The following TBC1D5 variants were observed in gnomAD, a reference collection of about 807,000 sequenced individuals.
TBC1D5 encodes the protein TBC1 domain family, member 5.
TBC1D5 carries 75 observed loss-of-function variants against 100.3 expected under a neutral mutation model. The observed-to-expected ratio is 0.75, with a 90% confidence interval of 0.62 to 0.91. The LOEUF is 0.91. TBC1D5 is among the 40% of genes least tolerant of loss of function. The pLI is 0.00. For missense variants in TBC1D5, 910 were observed against 942.4 expected (o/e 0.97, Z 0.45); for synonymous variants, 323 against 325.6 (o/e 0.99, Z 0.09).
In TBC1D5 at chr3:17,218,926, G is replaced by A. The variant is rs552786865; in HGVS notation, c.1589-4556C>T. ...CTTGGAGTTAATTGGACTTCTTTGA[G>A]GTATGTACTAATGCTTTTCATAAAA... On this transcript the variant is annotated intron_variant, in intron 17 of 21. Transcript: ENST00000253692. 1.6e-4 allele frequency among the ~76,000 whole-genome samples: 24 copies of A among 151,732 alleles called. No homozygotes were observed. In the East Asian group the frequency reaches 4.1e-3, roughly 26 times the overall value.
At chr3:17,192,640 G>C (rs2070098948) in intron 18 of TBC1D5, among the ~76,000 whole-genome samples, 1 of 152,176 alleles carries the variant, frequency 6.6e-6, no homozygotes, top group South Asian at 2.1e-4. Context: ...TAGAAATTTT[G>C]AACTGAAATT....
intron 1 of TBC1D5, among the ~76,000 whole-genome samples, chr3:17,730,458 C>T (rs1577868261): frequency 6.6e-6 from 1 of 152,172 alleles, no homozygotes; most frequent in Admixed American, 6.5e-5. Flanking sequence ...AACTACCAGT[C>T]ATGGCCAGGC....
chr3:17,222,318 A>G (rs2074379140), intron 17 of TBC1D5, among the ~76,000 whole-genome samples: 2 of 152,188 alleles, frequency 1.3e-5, no homozygotes, highest in Admixed American at 1.3e-4. Flanking sequence ...CTACACTGGT[A>G]ATTTTTAAAC....
At chr3:17,630,905 G>T (rs559562573) in intron 1 of TBC1D5, among the ~76,000 whole-genome samples, 1 of 151,102 alleles carries the variant, frequency 6.6e-6, no homozygotes, top group African/African-American at 2.4e-5. Context: ...ATAGCCGGGT[G>T]TGGTTGCGGG....
chr3:17,238,276 G>C (rs2076036813), exon 17 of TBC1D5: 3 of 1,613,958 alleles, frequency 1.9e-6, no homozygotes, highest in Admixed American at 1.7e-5. Context: ...AATTACAACA[G>C]AGGAGGAGCT....
chr3:17,324,294 A>G (rs1330394575), intron 13 of TBC1D5, among the ~76,000 whole-genome samples: 1 of 152,238 alleles, frequency 6.6e-6, no homozygotes, highest in Non-Finnish European at 1.5e-5. Flanking sequence ...AATAAAAACT[A>G]ATAAATTGAA....
chr3:17,248,958 C>G (rs1164038712), intron 16 of TBC1D5, among the ~76,000 whole-genome samples: 2 of 152,196 alleles, frequency 1.3e-5, no homozygotes, highest in African/African-American at 2.4e-5. Flanking sequence ...TTTAATGTTA[C>G]AGAGACAACT....
Position 17,571,957 on chromosome 3 carries a change from GA to G in TBC1D5, c.-36+51891del, listed in dbSNP as rs1233809067. ...CCAGACAATGACAGGGATGCTGCAGGAAAAACCATTCCTGCCAACACAAGGC... is the reference window on the plus strand; with the variant it reads ...CCAGACAATGACAGGGATGCTGCAGGAAAACCATTCCTGCCAACACAAGGC... On this transcript the variant is annotated intron_variant, in intron 2 of 21. Coordinates refer to ENST00000253692, the Ensembl canonical transcript of TBC1D5. Among the ~76,000 whole-genome samples, 6 of 152,064 alleles carry G rather than the reference GA, an allele frequency of 3.9e-5. No homozygotes were observed. The East Asian group carries it at 1.2e-3, about 29-fold the overall frequency.
At chr3:17,492,526 C>T (rs77152423) in intron 3 of TBC1D5, among the ~76,000 whole-genome samples, 1,759 of 152,218 alleles carry the variant, frequency 0.012, 25 homozygotes, top group African/African-American at 0.039. Context: ...CCTCCATGTC[C>T]GGGATTCAAG....
In TBC1D5 at chr3:17,347,790, A is replaced by G. The variant is rs2090090514; in HGVS notation, c.995+24285T>C. Among the ~76,000 whole-genome samples the G allele has an allele frequency of 2.6e-5, 4 of 152,140 alleles. No homozygotes were observed. The South Asian group carries it at 6.2e-4, about 24-fold the overall frequency. On this transcript the variant is annotated intron_variant, in intron 13 of 21. Coordinates refer to ENST00000253692, the Ensembl canonical transcript of TBC1D5. ...TAGGTGGGAGAATCACTTGAGCCCA[A>G]GGGCTTGAGATCAGCCTGGGCAACA...
At chr3:17,297,979 G>GC (rs2082435186) in intron 14 of TBC1D5, among the ~76,000 whole-genome samples, 1 of 152,054 alleles carries the variant, frequency 6.6e-6, no homozygotes, top group Admixed American at 6.6e-5. Flanking sequence ...TTCTACCTCC[G>GC]CATCTGTAAA....
chr3:17,299,596 C>T (rs1023955998), intron 14 of TBC1D5, among the ~76,000 whole-genome samples: 5 of 152,064 alleles, frequency 3.3e-5, no homozygotes, highest in African/African-American at 4.8e-5. Flanking sequence ...CGGTGGCTCA[C>T]GCCTGTAATC....
chr3:17,456,828 A>G (rs1354891619), intron 3 of TBC1D5, among the ~76,000 whole-genome samples: 1 of 152,262 alleles, frequency 6.6e-6, no homozygotes, highest in East Asian at 1.9e-4. Context: ...GGAACAAAGT[A>G]CGGATACATG....
At chr3:17,372,077 C>T in exon 13 of TBC1D5, 1 of 1,390,616 alleles carries the variant, frequency 7.2e-7, no homozygotes, top group Non-Finnish European at 9.9e-7. Flanking sequence ...ATACTTACAA[C>T]CCATATATCT....
intron 1 of TBC1D5, among the ~76,000 whole-genome samples, chr3:17,628,556 A>G (rs2063248655): frequency 6.6e-6 from 1 of 152,170 alleles, no homozygotes; most frequent in Admixed American, 6.5e-5. Flanking sequence ...TAAATGTAAA[A>G]TAAGGCTTTA....
intron 16 of TBC1D5, among the ~76,000 whole-genome samples, chr3:17,247,439 AC>A (rs1344433980): frequency 6.6e-6 from 1 of 152,206 alleles, no homozygotes; most frequent in African/African-American, 2.4e-5. Context: ...AAGGAAAAAT[AC>A]TAATTAAAAA....
intron 15 of TBC1D5, among the ~76,000 whole-genome samples, chr3:17,268,489 T>C (rs1442248972): frequency 6.6e-6 from 1 of 152,008 alleles, no homozygotes; most frequent in Non-Finnish European, 1.5e-5. Context: ...CTGAACAAAG[T>C]TGTAATATAC....
rs553234633 is a variant in TBC1D5, at chr3:17,606,259, T to C, written c.-36+17590A>G. Among the ~76,000 whole-genome samples the C allele has an allele frequency of 9.2e-5, 14 of 152,058 alleles. No individual in the cohort carries two copies. The South Asian group carries it at 2.5e-3, about 27-fold the overall frequency. ...GAGTTCAAGGCTAGCCTGGGCAACA[T>C]AGAGTGACACCAGCTCCACAAAAAA... On this transcript the variant is annotated intron_variant, in intron 2 of 21. Coordinates refer to ENST00000253692, the Ensembl canonical transcript of TBC1D5.
chr3:17,422,062 A>G (rs73161414), intron 4 of TBC1D5, among the ~76,000 whole-genome samples: 13,878 of 152,242 alleles, frequency 0.091, 1,428 homozygotes, highest in African/African-American at 0.26. Flanking sequence ...CTGAGTGGTG[A>G]GGAAGAGGGA....
Sources: gnomAD v4.1 joint callset for allele counts (sites outside exome capture counted in the v4.1 genomes callset) on GRCh38, gnomAD v4.1.1 for gene constraint, MANE v1.5 for transcripts, NCBI Gene and HGNC (gene_info 2026-07-23, HGNC 2026-07-21) for gene names.